Variants in ACP3 observed in about 807,000 individuals in gnomAD.
ACP3 encodes the protein acid phosphatase 3, also known as prostatic acid phosphatase.
In ACP3, 38 loss-of-function variants were observed where a neutral mutation model predicts 45.6. That is an observed-to-expected ratio of 0.83 (90% CI 0.64 to 1.09). The LOEUF (loss-of-function observed/expected upper bound fraction) is 1.09, where lower values mean the gene tolerates loss of function less well. Ranked by LOEUF, ACP3 falls within the 50% of genes least tolerant of loss-of-function variation. ACP3 has a pLI of 0.00. For missense variants in ACP3, 466 were observed against 463.2 expected (o/e 1.01, Z -0.05); for synonymous variants, 162 against 164.7 (o/e 0.98, Z 0.13).
intron 2 of ACP3, 97 bp downstream of exon 2, chr3:132,328,459 A>C (rs996067596): frequency 3.1e-6 from 3 of 968,922 alleles, no homozygotes; most frequent in Non-Finnish European, 4.7e-6. Context: ...CAGGCGGATC[A>C]ACTGAGGTCA....
chr3:132,342,424 A>T (rs953429722), intron 5 of ACP3, 128 bp from the exon 6 acceptor site: 3 of 606,024 alleles, frequency 5.0e-6, no homozygotes, highest in Non-Finnish European at 8.7e-6. Context: ...AGAGGCCAGG[A>T]TACTGTGAAA....
intron 3 of ACP3, 41 bp from the exon 4 acceptor site, chr3:132,332,151 C>A: frequency 6.2e-7 from 1 of 1,612,766 alleles, no homozygotes; most frequent in Non-Finnish European, 8.5e-7. Flanking sequence ...AAACCTCATG[C>A]TCCCTTTACG....
chr3:132,363,922 G>A (rs770600421), intron 10 of ACP3, among the ~76,000 whole-genome samples: 1 of 152,092 alleles, frequency 6.6e-6, no homozygotes, highest in Non-Finnish European at 1.5e-5. Context: ...AGGCAATGAA[G>A]TGAAACTCCA....
intron 10 of ACP3, among the ~76,000 whole-genome samples, chr3:132,366,441 A>G (rs948838307): frequency 1.3e-5 from 2 of 152,212 alleles, no homozygotes; most frequent in African/African-American, 4.8e-5. Flanking sequence ...CAGTGTTGGG[A>G]TATATTTTTC....
At chr3:132,358,862 TTTTGTTTTAGTATAACAAGA>T (rs1163670521), downstream of ACP3, 15 of 984,900 alleles carry the variant, frequency 1.5e-5, no homozygotes, top group Non-Finnish European at 1.4e-5. Context: ...TGTTTGGGGT[TTTTGTTTTAGTATAACAAGA>T]TGGAAAATAT....
At chr3:132,342,379 T>C (rs751509480) in intron 5 of ACP3, among the ~76,000 whole-genome samples, 173 bp from the exon 6 acceptor site, 2 of 152,128 alleles carry the variant, frequency 1.3e-5, no homozygotes, top group African/African-American at 4.8e-5. Flanking sequence ...GTTATACAAG[T>C]GGGAGATTAG....
chr3:132,337,422 C>G (rs761825892), intron 4 of ACP3, 34 bp from the exon 5 acceptor site: 19 of 1,412,022 alleles, frequency 1.3e-5, no homozygotes, highest in Non-Finnish European at 1.8e-5. Context: ...TTTTCTGACT[C>G]ATAACAGTTT....
intron 4 of ACP3, among the ~76,000 whole-genome samples, chr3:132,334,204 G>C (rs966197136): frequency 2.6e-5 from 4 of 152,186 alleles, no homozygotes; most frequent in Non-Finnish European, 4.4e-5. Flanking sequence ...AGAGAATGCA[G>C]GTGCTAGTAG....
At chr3:132,336,600 TAGAAG>T (rs1465115120) in intron 4 of ACP3, among the ~76,000 whole-genome samples, 1 of 152,128 alleles carries the variant, frequency 6.6e-6, no homozygotes, top group African/African-American at 2.4e-5. Flanking sequence ...GAAGGATGGC[TAGAAG>T]AGAAGTAGAA....
Position 132,352,666 on chromosome 3 carries a change from T to A in ACP3, c.865-54T>A, listed in dbSNP as rs1273509950. 3 of 1,242,614 alleles carry A rather than the reference T, an allele frequency of 2.4e-6. No homozygotes were observed. The African/African-American group carries it at 4.4e-5, about 18-fold the overall frequency. The allele number at this position is 1,242,614 out of a possible 1,614,324, so 77.0% of individuals were successfully genotyped here. ...ATCATGGTGCTGTACAAGTGCTTCA[T>A]ACCTATTGAATGTGAATCTGAACAG... is the stretch of plus-strand genomic sequence containing the variant. On this transcript the variant is annotated intron_variant, in intron 8 of 9. Transcript: ENST00000336375.
intron 5 of ACP3, among the ~76,000 whole-genome samples, chr3:132,339,029 C>A (rs9864692): frequency 0.31 from 46,391 of 151,902 alleles, 7,774 homozygotes; most frequent in Admixed American, 0.4. Context: ...TGCCTCCTCC[C>A]ACCCTTCACC....
intron 8 of ACP3, among the ~76,000 whole-genome samples, chr3:132,351,537 G>T (rs1052812749): frequency 6.6e-6 from 1 of 152,210 alleles, no homozygotes; most frequent in Non-Finnish European, 1.5e-5. Context: ...ATGCCAGGAA[G>T]TTTGTTTATT....
chr3:132,339,508 C>T (rs1937527475), intron 5 of ACP3, among the ~76,000 whole-genome samples: 1 of 152,206 alleles, frequency 6.6e-6, no homozygotes, highest in Admixed American at 6.5e-5. Flanking sequence ...TCCAGACCTC[C>T]AAACTTCTGA....
At chr3:132,360,632 T>C (rs1207729766), downstream of ACP3, among the ~76,000 whole-genome samples, 1 of 152,356 alleles carries the variant, frequency 6.6e-6, no homozygotes, top group Non-Finnish European at 1.5e-5. Flanking sequence ...AACTGCTTCT[T>C]TAATTCCAAC....
chr3:132,364,508 C>A (rs1399525919), intron 10 of ACP3, among the ~76,000 whole-genome samples: 1 of 152,240 alleles, frequency 6.6e-6, no homozygotes, highest in African/African-American at 2.4e-5. Flanking sequence ...ACTCACCTTG[C>A]AGGTCAGCTC....
intron 1 of ACP3, among the ~76,000 whole-genome samples, chr3:132,326,485 C>T (rs922889075): frequency 6.6e-6 from 1 of 152,170 alleles, no homozygotes; most frequent in Non-Finnish European, 1.5e-5. Flanking sequence ...GTCCTTCCTG[C>T]CTTCAGGGGA....
At chr3:132,366,178 G>T (rs1161204548) in intron 10 of ACP3, among the ~76,000 whole-genome samples, 1 of 151,724 alleles carries the variant, frequency 6.6e-6, no homozygotes, top group Non-Finnish European at 1.5e-5. Context: ...GTGCATGCCT[G>T]TATTCCCAGT....
chr3:132,323,602 C>T (rs922163478), intron 1 of ACP3, among the ~76,000 whole-genome samples: 5 of 152,128 alleles, frequency 3.3e-5, no homozygotes, highest in African/African-American at 9.7e-5. Context: ...GGTGTGTATG[C>T]TGAGAGAAGA....
intron 7 of ACP3, among the ~76,000 whole-genome samples, chr3:132,348,056 T>C (rs1198819924): frequency 6.6e-6 from 1 of 152,210 alleles, no homozygotes; most frequent in Admixed American, 6.5e-5. Context: ...ATGCATTGTC[T>C]ATTGCTGCTT....
Sources: gnomAD v4.1 joint callset for allele counts (sites outside exome capture counted in the v4.1 genomes callset) on GRCh38, gnomAD v4.1.1 for gene constraint, MANE v1.5 for transcripts, NCBI Gene and HGNC (gene_info 2026-07-23, HGNC 2026-07-21) for gene names.